The following SV2C variants were observed in gnomAD, a reference collection of about 807,000 sequenced individuals.
SV2C encodes synaptic vesicle glycoprotein 2C.
A neutral mutation model predicts 79.7 loss-of-function variants in SV2C; 49 were observed. The ratio of observed to expected loss-of-function variants is 0.61; its 90% CI spans 0.49 to 0.78. The LOEUF is 0.78. Ranked by LOEUF, SV2C falls within the 30% of genes least tolerant of loss-of-function variation. The probability of loss-of-function intolerance (pLI) is 0.00; values close to 1 mark genes in which losing one functional copy is unlikely to be tolerated. For missense variants in SV2C, 833 were observed against 912.9 expected (o/e 0.91, Z 1.13); for synonymous variants, 334 against 333.2 (o/e 1.00, Z -0.03).
chr5:76,037,835 C>T, the SV2C span, among the ~76,000 whole-genome samples: 1 of 152,224 alleles, frequency 6.6e-6, no homozygotes, highest in African/African-American at 2.4e-5. Flanking sequence ...GGGCGCCCCT[C>T]CCCCAGCCTC....
chr5:75,917,329 T>G, the SV2C span, among the ~76,000 whole-genome samples: 2,814 of 152,354 alleles, frequency 0.018, 62 homozygotes, highest in African/African-American at 0.05. Context: ...TTTTACCTTC[T>G]CTGCCTGTAT....
At chr5:76,221,447 G>T (rs1330383575) in intron 4 of SV2C, among the ~76,000 whole-genome samples, 1 of 152,160 alleles carries the variant, frequency 6.6e-6, no homozygotes, top group Non-Finnish European at 1.5e-5. Flanking sequence ...GGGAGTCGCT[G>T]TCTTTGCAAG....
At chr5:75,879,345 A>T in the SV2C span, among the ~76,000 whole-genome samples, 3 of 152,060 alleles carry the variant, frequency 2.0e-5, no homozygotes, top group Non-Finnish European at 4.4e-5. Flanking sequence ...ATCTCCTTCC[A>T]CCTATGAACC....
At chr5:76,099,167 A>T (rs1747658103) in intron 1 of SV2C, among the ~76,000 whole-genome samples, 1 of 152,166 alleles carries the variant, frequency 6.6e-6, no homozygotes. Context: ...TTCATTCTGT[A>T]TGTGATCTGC....
chr5:75,942,059 C>G, the SV2C span, among the ~76,000 whole-genome samples: 2 of 152,132 alleles, frequency 1.3e-5, no homozygotes, highest in Non-Finnish European at 2.9e-5. Context: ...CTATAAAAGG[C>G]CCAAGAGGAC....
At chr5:76,050,693 C>A in the SV2C span, among the ~76,000 whole-genome samples, 2 of 152,142 alleles carry the variant, frequency 1.3e-5, no homozygotes, top group Non-Finnish European at 2.9e-5. Context: ...TAGTATTAAA[C>A]CTGTTCATAA....
intron 4 of SV2C, among the ~76,000 whole-genome samples, chr5:76,223,495 A>G (rs1057478109): frequency 9.1e-5 from 3 of 32,954 alleles, no homozygotes; most frequent in Non-Finnish European, 1.5e-4. Context: ...ATATATATAT[A>G]TGTATATGTA....
At chr5:75,927,641 T>C in the SV2C span, among the ~76,000 whole-genome samples, 1 of 152,208 alleles carries the variant, frequency 6.6e-6, no homozygotes, top group African/African-American at 2.4e-5. Context: ...GATAATCTCA[T>C]GTTGTGTTCT....
chr5:76,117,315 G>A (rs1748299656), intron 1 of SV2C, among the ~76,000 whole-genome samples: 1 of 152,004 alleles, frequency 6.6e-6, no homozygotes. Context: ...TAAATAACTG[G>A]CACTGTAAGA....
At chr5:76,346,660 A>T (rs1749550310) in intron 12 of SV2C, among the ~76,000 whole-genome samples, 1 of 152,182 alleles carries the variant, frequency 6.6e-6, no homozygotes, top group South Asian at 2.1e-4. Context: ...TTTTGTTTGC[A>T]CTTTTTTGCC....
At chr5:76,116,296 G>T (rs528938250) in intron 1 of SV2C, among the ~76,000 whole-genome samples, 1 of 152,304 alleles carries the variant, frequency 6.6e-6, no homozygotes, top group South Asian at 2.1e-4. Flanking sequence ...CTTGCCTCAA[G>T]AAAGCAAGCT....
At chr5:75,966,248 C>A in the SV2C span, among the ~76,000 whole-genome samples, 2 of 152,234 alleles carry the variant, frequency 1.3e-5, no homozygotes, top group African/African-American at 4.8e-5. Context: ...CTTAGCTTTT[C>A]TTTGGAATAT....
the SV2C span, among the ~76,000 whole-genome samples, chr5:76,034,661 T>C: frequency 1.3e-5 from 2 of 152,362 alleles, no homozygotes; most frequent in African/African-American, 4.8e-5. Flanking sequence ...CAGTATTTTA[T>C]TGAGGATTTT....
rs1749135071 is a variant in SV2C at position 76,330,169 on chromosome 5, A to G, written c.*4622A>G. On this transcript the variant is annotated 3_prime_UTR_variant, in exon 13 of 13. Coordinates refer to ENST00000502798, the MANE Select transcript of SV2C (RefSeq NM_014979.4). ...TCCGTGTGATGTTCTTTTGCTCTAA[A>G]TGTTGACCATTCCTCTTGTCGCCCG... 6.6e-6 allele frequency: 1 copy of G among 152,058 alleles called. No homozygotes were observed. The allele number at this position is 152,058 out of a possible 1,614,324, so 9.4% of individuals were successfully genotyped here. A position where few individuals can be genotyped will look rare whatever the true frequency, so the allele number is the denominator to read the frequency against.
the SV2C span, among the ~76,000 whole-genome samples, chr5:75,953,841 T>C: frequency 1.3e-5 from 2 of 151,996 alleles, no homozygotes; most frequent in African/African-American, 2.4e-5. Context: ...TACCTTTTCT[T>C]GGCTGCTTTC....
intron 3 of SV2C, among the ~76,000 whole-genome samples, chr5:76,197,887 A>C (rs1398658614): frequency 6.6e-6 from 1 of 152,174 alleles, no homozygotes; most frequent in Non-Finnish European, 1.5e-5. Flanking sequence ...CTGATAATAT[A>C]ACTCTCATTC....
chr5:76,351,305 A>T (rs1005984345), intron 12 of SV2C, among the ~76,000 whole-genome samples: 45 of 152,130 alleles, frequency 3.0e-4, no homozygotes, highest in African/African-American at 1.1e-3. Context: ...AAAATTAGCC[A>T]GGCACGGTGA....
At chr5:76,169,693 C>G (rs1279299494) in intron 2 of SV2C, among the ~76,000 whole-genome samples, 1 of 152,214 alleles carries the variant, frequency 6.6e-6, no homozygotes, top group Non-Finnish European at 1.5e-5. Flanking sequence ...ATTAAGGAAG[C>G]TCACAGACAC....
the SV2C span, among the ~76,000 whole-genome samples, chr5:76,011,631 C>T: frequency 3.3e-5 from 5 of 151,844 alleles, no homozygotes; most frequent in Non-Finnish European, 7.4e-5. Context: ...TTTTTTAATA[C>T]TTTAAGTTCT....
Sources: gnomAD v4.1 joint callset for allele counts (sites outside exome capture counted in the v4.1 genomes callset) on GRCh38, gnomAD v4.1.1 for gene constraint, MANE v1.5 for transcripts, NCBI Gene and HGNC (gene_info 2026-07-23, HGNC 2026-07-21) for gene names.